Variants in NCKAP5 observed in about 807,000 individuals in gnomAD.
The protein encoded by NCKAP5 is nck-associated protein 5.
NCKAP5 carries 92 observed loss-of-function variants against 167.0 expected under a neutral mutation model. The observed-to-expected ratio is 0.55, with a 90% CI of 0.47 to 0.66. NCKAP5 has a LOEUF of 0.66. Ranked by LOEUF, NCKAP5 falls within the 30% of genes least tolerant of loss-of-function variation. NCKAP5 has a pLI of 0.00. For missense variants in NCKAP5, 2,378 were observed against 2,315.0 expected (o/e 1.03, Z -0.56); for synonymous variants, 891 against 877.4 (o/e 1.02, Z -0.27).
chr2:133,038,764 A>G (rs2079116578), intron 6 of NCKAP5, among the ~76,000 whole-genome samples: 1 of 152,140 alleles, frequency 6.6e-6, no homozygotes, highest in African/African-American at 2.4e-5. Flanking sequence ...CCTACTATGT[A>G]CCCAGAAAAA....
chr2:132,770,075 G>A lies in NCKAP5; in HGVS notation c.5128+3741C>T, dbSNP rs78601500. 1.5e-3 allele frequency among the ~76,000 whole-genome samples: 225 copies of A among 152,286 alleles called. 3 individuals carry two copies. Among genetic ancestry groups the A allele is most frequent in the African/African-American group, 5.2e-3 (216 of 41,570 alleles). ...TGCCCCTGGCAATGATTCTTGTGCA[G>A]TTTACTGAAGTAGGCTTGATCCTGT... On this transcript the variant is annotated intron_variant, in intron 16 of 19. Coordinates refer to ENST00000409261, the MANE Select transcript of NCKAP5 (RefSeq NM_207363.3).
At chr2:132,986,706 A>T (rs2077299344) in intron 7 of NCKAP5, among the ~76,000 whole-genome samples, 1 of 152,186 alleles carries the variant, frequency 6.6e-6, no homozygotes, top group Non-Finnish European at 1.5e-5. Context: ...ATAGTTTAAC[A>T]ATATAATTTT....
chr2:133,550,932 C>T (rs553933437), intron 2 of NCKAP5, among the ~76,000 whole-genome samples: 104 of 151,800 alleles, frequency 6.9e-4, no homozygotes, highest in African/African-American at 2.4e-3. Context: ...ACAAAAATCA[C>T]AAGCATTCTT....
chr2:133,666,463 G>T, the NCKAP5 span, among the ~76,000 whole-genome samples: 1 of 151,878 alleles, frequency 6.6e-6, no homozygotes, highest in Non-Finnish European at 1.5e-5. Context: ...CTCCCGAAGT[G>T]CTGGGATTAC....
intron 6 of NCKAP5, among the ~76,000 whole-genome samples, chr2:133,049,266 C>A (rs2079516841): frequency 6.6e-6 from 1 of 152,158 alleles, no homozygotes; most frequent in South Asian, 2.1e-4. Context: ...CACAGGCTGC[C>A]TGGGCACGGT....
chr2:132,978,737 G>A (rs1355468706), intron 7 of NCKAP5, among the ~76,000 whole-genome samples: 1 of 152,138 alleles, frequency 6.6e-6, no homozygotes, highest in East Asian at 1.9e-4. Flanking sequence ...TTGGCTACAC[G>A]AATAAATGTG....
chr2:133,069,609 C>A (rs1172171531), intron 6 of NCKAP5, among the ~76,000 whole-genome samples: 2 of 152,170 alleles, frequency 1.3e-5, no homozygotes, highest in Non-Finnish European at 2.9e-5. Context: ...TAGTTCCTAT[C>A]ATTGTATCAA....
chr2:132,761,705 A>T (rs1681022537), intron 16 of NCKAP5, among the ~76,000 whole-genome samples: 1 of 152,202 alleles, frequency 6.6e-6, no homozygotes, highest in Non-Finnish European at 1.5e-5. Flanking sequence ...TATGTCACAT[A>T]AGAAATCTAG....
At chr2:133,639,943 G>T in the NCKAP5 span, among the ~76,000 whole-genome samples, 2 of 152,000 alleles carry the variant, frequency 1.3e-5, no homozygotes, top group Non-Finnish European at 2.9e-5. Flanking sequence ...ACACAATTAG[G>T]AATGAAAATA....
chr2:133,262,198 GC>G (rs1302308426), intron 4 of NCKAP5, among the ~76,000 whole-genome samples: 1 of 151,864 alleles, frequency 6.6e-6, no homozygotes, highest in Non-Finnish European at 1.5e-5. Flanking sequence ...TCATAAACTG[GC>G]CCCAAATCAC....
chr2:133,176,304 C>T (rs2084458963), intron 5 of NCKAP5, among the ~76,000 whole-genome samples: 1 of 152,194 alleles, frequency 6.6e-6, no homozygotes, highest in Admixed American at 6.5e-5. Flanking sequence ...TGCCATAACA[C>T]TGTGATTTAT....
intron 12 of NCKAP5, among the ~76,000 whole-genome samples, chr2:132,793,592 G>C (rs987834819): frequency 1.8e-4 from 27 of 152,196 alleles, no homozygotes; most frequent in African/African-American, 6.5e-4. Context: ...AAGCCTCTAG[G>C]AGAAGCTATT....
intron 2 of NCKAP5, among the ~76,000 whole-genome samples, chr2:133,518,344 ATTTT>A (rs751025050): frequency 0.06 from 4,460 of 74,840 alleles, 409 homozygotes; most frequent in African/African-American, 0.2. Context: ...ACAGTAAAGG[ATTTT>A]TTTTTTTTTT....
chr2:133,498,118 G>T (rs942096579), intron 3 of NCKAP5, among the ~76,000 whole-genome samples: 1 of 152,124 alleles, frequency 6.6e-6, no homozygotes, highest in Non-Finnish European at 1.5e-5. Context: ...AGGAAAAAAA[G>T]ATATCCATAA....
At chr2:133,236,206 T>TAAAA (rs1173121096) in intron 4 of NCKAP5, among the ~76,000 whole-genome samples, 1 of 151,210 alleles carries the variant, frequency 6.6e-6, no homozygotes, top group Non-Finnish European at 1.5e-5. Context: ...CAATACATAT[T>TAAAA]AAAAAGGAGT....
intron 2 of NCKAP5, among the ~76,000 whole-genome samples, chr2:133,521,026 C>T (rs915006705): frequency 3.9e-5 from 6 of 152,208 alleles, no homozygotes; most frequent in Non-Finnish European, 7.4e-5. Flanking sequence ...CCAAGTGGAT[C>T]AAAGGAAGAC....
intron 4 of NCKAP5, among the ~76,000 whole-genome samples, chr2:133,249,597 G>A (rs561967332): frequency 2.6e-5 from 4 of 152,294 alleles, no homozygotes; most frequent in East Asian, 3.9e-4. Flanking sequence ...CTGACTTGAC[G>A]TTAGTCACCC....
intron 3 of NCKAP5, among the ~76,000 whole-genome samples, chr2:133,463,277 G>C (rs1361241244): frequency 6.6e-6 from 1 of 152,140 alleles, no homozygotes; most frequent in East Asian, 1.9e-4. Flanking sequence ...TTTCCTTTCT[G>C]GTAGTCTTCC....
chr2:133,191,310 T>A (rs1421280492), intron 5 of NCKAP5, among the ~76,000 whole-genome samples: 1 of 152,110 alleles, frequency 6.6e-6, no homozygotes, highest in African/African-American at 2.4e-5. Flanking sequence ...TAGGAACACT[T>A]TTACACTGTT....
Sources: allele counts gnomAD v4.1 joint callset (sites outside exome capture counted in the v4.1 genomes callset), GRCh38; gene constraint gnomAD v4.1.1; transcripts MANE v1.5; gene names NCBI Gene and HGNC (gene_info 2026-07-23, HGNC 2026-07-21).